The following PXDNL variants were observed in gnomAD, a reference collection of about 807,000 sequenced individuals.
PXDNL encodes the protein peroxidasin like, also known as probable oxidoreductase PXDNL.
PXDNL carries 145 observed loss-of-function variants against 150.8 expected under a neutral mutation model. That is an observed-to-expected ratio of 0.96 (90% CI 0.84 to 1.10). The LOEUF (loss-of-function observed/expected upper bound fraction) is 1.10. Ranked by LOEUF, PXDNL falls within the 50% of genes least tolerant of loss-of-function variation. PXDNL has a pLI of 0.00. For missense variants in PXDNL, 2,087 were observed against 1,873.9 expected, an observed-to-expected ratio of 1.11 and a Z score of -2.10; for synonymous variants, 757 against 725.7, an observed-to-expected ratio of 1.04 and a Z score of -0.69.
intron 2 of PXDNL, among the ~76,000 whole-genome samples, chr8:51,593,041 G>A (rs1020837109): frequency 6.6e-6 from 1 of 152,116 alleles, no homozygotes; most frequent in African/African-American, 2.4e-5. Flanking sequence ...TTCCTAAACA[G>A]ATGGAGAGTA....
intron 5 of PXDNL, among the ~76,000 whole-genome samples, chr8:51,491,143 A>T (rs1480779380): frequency 2.0e-5 from 3 of 151,820 alleles, no homozygotes; most frequent in Admixed American, 2.0e-4. Context: ...CAAACATCAG[A>T]CTCCAAATTC....
chr8:51,601,300 G>A (rs552229378), intron 2 of PXDNL, among the ~76,000 whole-genome samples: 22 of 151,962 alleles, frequency 1.4e-4, no homozygotes, highest in Non-Finnish European at 2.9e-4. Flanking sequence ...TTGATGCTCT[G>A]TCCAATGTTG....
At chr8:51,492,502 G>C (rs7832725) in intron 5 of PXDNL, among the ~76,000 whole-genome samples, 48,640 of 151,954 alleles carry the variant, frequency 0.32, 8,655 homozygotes, top group African/African-American at 0.47. Context: ...CACCCAGAAA[G>C]CTCAAGGGGT....
At chr8:51,761,638 G>A (rs1053919948) in intron 1 of PXDNL, among the ~76,000 whole-genome samples, 1 of 152,012 alleles carries the variant, frequency 6.6e-6, no homozygotes, top group African/African-American at 2.4e-5. Context: ...TTAAACCAGG[G>A]TTTTCTGGTA....
chr8:51,408,846 C>T lies in PXDNL; in HGVS notation c.2778G>A (p.Trp926Ter). ...GCAATAAGGGCTTTCCGGAGGGAGG[C>T]CAAGGAAAGCCTGTCTTCAGGAGAC... ...PRGLLKTGFPWPPSGKPLLPF... is the reference protein window; with the variant it reads ...PRGLLKTGFP Residue 926 changes from tryptophan to a stop codon, truncating the protein, a stop_gained, in exon 17 of 23, where the codon TGG becomes TGA. Coordinates refer to ENST00000356297, the MANE Select transcript of PXDNL (RefSeq NM_144651.5). LOFTEE classifies it high-confidence loss of function. 1 of 1,577,176 alleles carries T rather than the reference C, an allele frequency of 6.3e-7. No individual in the cohort carries two copies. Among genetic ancestry groups the T allele is most frequent in the East Asian group, 2.2e-5 (1 of 44,506 alleles).
intron 4 of PXDNL, among the ~76,000 whole-genome samples, chr8:51,503,244 G>A (rs1169489270): frequency 6.6e-6 from 1 of 152,146 alleles, no homozygotes; most frequent in Non-Finnish European, 1.5e-5. Flanking sequence ...ACTGGTATTG[G>A]AATTCACTAC....
intron 19 of PXDNL, among the ~76,000 whole-genome samples, chr8:51,353,874 T>G (rs1044328627): frequency 2.6e-5 from 4 of 152,292 alleles, no homozygotes; most frequent in Non-Finnish European, 5.9e-5. Context: ...CCTGTTTCTG[T>G]GTGCCTGACT....
At chr8:51,611,002 A>G (rs550739802) in intron 2 of PXDNL, among the ~76,000 whole-genome samples, 21 of 152,324 alleles carry the variant, frequency 1.4e-4, no homozygotes, top group Non-Finnish European at 3.1e-4. Context: ...TCTAAGCAAC[A>G]TGAGTGACAT....
intron 17 of PXDNL, among the ~76,000 whole-genome samples, chr8:51,378,045 T>C (rs544359492): frequency 4.6e-5 from 7 of 150,724 alleles, no homozygotes; most frequent in African/African-American, 1.5e-4. Context: ...ATACACCAAT[T>C]AGCACTCTGT....
intron 12 of PXDNL, among the ~76,000 whole-genome samples, chr8:51,441,738 A>G (rs941832160): frequency 5.3e-5 from 8 of 152,170 alleles, no homozygotes; most frequent in African/African-American, 1.9e-4. Flanking sequence ...GACTTAAGCT[A>G]TCTTTCAAGT....
At position 51,408,238 on chromosome 8, in the gene PXDNL, G is replaced by C. The variant is rs770342688; in HGVS notation, c.3386C>G (p.Ala1129Gly). 6.2e-7 allele frequency: 1 copy of C among 1,613,970 alleles called. No individual in the cohort carries two copies. The highest frequency in any genetic ancestry group is 8.5e-7 in the Non-Finnish European group (1 of 1,179,896). The part of the protein sequence containing the change: ...SPELTQRLFS[A>G]AYSAAVDSAA... ...CGAATCCACGGCCGCAGAATAAGCC[G>C]CGGAGAAGAGCCTCTGGGTCAGCTC... The change falls in exon 17 of 23, where the codon GCG becomes GGG. Residue 1129 changes from alanine (A) to glycine (G), a missense_variant. Transcript: ENST00000356297.
intron 2 of PXDNL, among the ~76,000 whole-genome samples, chr8:51,620,277 A>T (rs1554558868): frequency 6.6e-6 from 1 of 152,162 alleles, no homozygotes; most frequent in Non-Finnish European, 1.5e-5. Flanking sequence ...AATTTTCTAT[A>T]TTTTGAAGGT....
intron 1 of PXDNL, among the ~76,000 whole-genome samples, chr8:51,789,868 C>G (rs1413794980): frequency 2.0e-5 from 3 of 152,102 alleles, no homozygotes; most frequent in Non-Finnish European, 2.9e-5. Flanking sequence ...TCTTTAGACT[C>G]AATCATTTTT....
intron 1 of PXDNL, among the ~76,000 whole-genome samples, chr8:51,745,759 T>TA: frequency 4.1e-4 from 1 of 2,456 alleles, no homozygotes; most frequent in African/African-American, 4.9e-4. Flanking sequence ...ACCACTACCA[T>TA]TTTTTTTTTT....
intron 3 of PXDNL, among the ~76,000 whole-genome samples, chr8:51,564,032 C>T (rs905403307): frequency 6.6e-6 from 1 of 151,978 alleles, no homozygotes. Flanking sequence ...TGTTTGACTA[C>T]ATGAAATGTC....
chr8:51,707,437 C>A (rs1316264699), intron 1 of PXDNL, among the ~76,000 whole-genome samples: 1 of 152,170 alleles, frequency 6.6e-6, no homozygotes, highest in East Asian at 1.9e-4. Context: ...CCAAGTAGTA[C>A]TAAACATACT....
chr8:51,791,193 C>T (rs949431636), intron 1 of PXDNL, among the ~76,000 whole-genome samples: 3 of 152,180 alleles, frequency 2.0e-5, no homozygotes, highest in African/African-American at 7.2e-5. Context: ...GCTCTCTTGC[C>T]CCTCAACTAG....
intron 19 of PXDNL, among the ~76,000 whole-genome samples, chr8:51,354,802 T>C (rs1159789836): frequency 6.6e-6 from 1 of 152,118 alleles, no homozygotes; most frequent in East Asian, 1.9e-4. Flanking sequence ...ATGCTGTATT[T>C]GGAAGATAAC....
chr8:51,348,446 G>A (rs1040100218), intron 19 of PXDNL, among the ~76,000 whole-genome samples: 1 of 152,276 alleles, frequency 6.6e-6, no homozygotes, highest in East Asian at 1.9e-4. Flanking sequence ...CAGCTAAAAT[G>A]TTGTAGTTCT....
Sources: gnomAD v4.1 joint callset for allele counts (sites outside exome capture counted in the v4.1 genomes callset) on GRCh38, gnomAD v4.1.1 for gene constraint, MANE v1.5 for transcripts, NCBI Gene and HGNC (gene_info 2026-07-23, HGNC 2026-07-21) for gene names.